SHANK2: variants seen among roughly 807,000 people sequenced by gnomAD.
The protein encoded by SHANK2 is SH3 and multiple ankyrin repeat domains protein 2.
Under a neutral mutation model 133.7 loss-of-function variants are expected in SHANK2, and 43 were observed. That is an observed-to-expected ratio of 0.32 (90% CI 0.25 to 0.41). The LOEUF is 0.41. Ranked by LOEUF, SHANK2 falls within the 10% of genes least tolerant of loss-of-function variation. The pLI, the probability that SHANK2 is intolerant of heterozygous loss-of-function variation, is 1.00. For synonymous variants in SHANK2, 1,017 were observed against 952.8 expected, an observed-to-expected ratio of 1.07 and a Z score of -1.24; for missense variants, 1,994 against 2,235.8, an observed-to-expected ratio of 0.89 and a Z score of 2.18.
intron 11 of SHANK2, among the ~76,000 whole-genome samples, chr11:70,829,837 G>A (rs1471303865): frequency 4.6e-5 from 7 of 152,208 alleles, no homozygotes; most frequent in Non-Finnish European, 8.8e-5. Context: ...CCGGTCCTGG[G>A]CCAGGCTCTG....
intron 17 of SHANK2, among the ~76,000 whole-genome samples, chr11:70,504,297 A>G (rs1300735197): frequency 1.6e-5 from 2 of 127,588 alleles, no homozygotes; most frequent in Non-Finnish European, 3.5e-5. Flanking sequence ...TCCCTGTAAG[A>G]GCTGGATAGA....
intron 17 of SHANK2, among the ~76,000 whole-genome samples, chr11:70,589,819 G>T (rs1361998712): frequency 1.3e-5 from 2 of 152,150 alleles, no homozygotes; most frequent in Non-Finnish European, 2.9e-5. Flanking sequence ...AGGGGAAGAG[G>T]TCACTGCAGA....
intron 17 of SHANK2, chr11:70,604,376 C>G (rs922196308): frequency 6.6e-6 from 1 of 152,354 alleles, no homozygotes; most frequent in Non-Finnish European, 1.5e-5. Flanking sequence ...CTGTGGGGCA[C>G]ACAGCTACGT....
chr11:71,066,117 A>T (rs878959640), intron 9 of SHANK2, among the ~76,000 whole-genome samples: 1 of 3,110 alleles, frequency 3.2e-4, no homozygotes, highest in African/African-American at 1.1e-3. Flanking sequence ...GAACTCTCCC[A>T]GGGAGATGAG....
At chr11:70,814,527 G>A (rs1555053867) in intron 12 of SHANK2, among the ~76,000 whole-genome samples, 1 of 152,168 alleles carries the variant, frequency 6.6e-6, no homozygotes, top group Non-Finnish European at 1.5e-5. Context: ...GGCGGCCAAG[G>A]CCCCTTCTGC....
rs150356613 is a variant in SHANK2, at chr11:70,499,699, G to A, written c.2308+871C>T. On this transcript the variant is annotated intron_variant, in intron 21 of 25. Transcript: ENST00000601538. Reference sequence around the variant, plus strand: ...TCCACCACATCCTCGGCGCAGCAGTGGGGCCTAGAAAGCCCGCTGGGAGTT... The same window carrying A: ...TCCACCACATCCTCGGCGCAGCAGTAGGGCCTAGAAAGCCCGCTGGGAGTT... Among the ~76,000 whole-genome samples the A allele has an allele frequency of 5.2e-3, 798 of 152,338 alleles. 8 individuals are homozygous for A. Among genetic ancestry groups the A allele is most frequent in the African/African-American group, 0.018 (767 of 41,578 alleles).
At chr11:70,666,079 G>A (rs1944673447) in intron 15 of SHANK2, among the ~76,000 whole-genome samples, 1 of 152,174 alleles carries the variant, frequency 6.6e-6, no homozygotes. Context: ...AACGGATGTT[G>A]GGTGGGAGGT....
intron 2 of SHANK2, among the ~76,000 whole-genome samples, chr11:71,157,383 A>C (rs185902711): frequency 5.5e-4 from 84 of 152,350 alleles, no homozygotes; most frequent in Non-Finnish European, 2.2e-4. Context: ...TGGGGTGTCC[A>C]GGTCTTGAGA....
At chr11:71,078,868 T>C (rs1475069879) in intron 8 of SHANK2, among the ~76,000 whole-genome samples, 3 of 152,270 alleles carry the variant, frequency 2.0e-5, no homozygotes, top group African/African-American at 7.2e-5. Context: ...ACACTGCCTC[T>C]GGGGCAGCCC....
intron 12 of SHANK2, among the ~76,000 whole-genome samples, chr11:70,812,756 C>T (rs183521291): frequency 1.5e-3 from 235 of 152,352 alleles, no homozygotes; most frequent in Non-Finnish European, 2.7e-3. Context: ...GCTGTCCTGC[C>T]TGCACAGTGA....
chr11:70,553,690 C>T (rs959210184), intron 17 of SHANK2, among the ~76,000 whole-genome samples: 22 of 152,236 alleles, frequency 1.4e-4, no homozygotes, highest in Admixed American at 1.4e-3. Context: ...GACGCTTCTC[C>T]TCTCTGGGGG....
chr11:70,797,586 G>T (rs1947940698), intron 14 of SHANK2, among the ~76,000 whole-genome samples: 1 of 152,184 alleles, frequency 6.6e-6, no homozygotes, highest in African/African-American at 2.4e-5. Flanking sequence ...TGATCAGGCG[G>T]CAGAGGGCTA....
chr11:70,555,442 G>A (rs1250237475), intron 17 of SHANK2, among the ~76,000 whole-genome samples: 2 of 152,248 alleles, frequency 1.3e-5, no homozygotes, highest in East Asian at 3.8e-4. Context: ...AGATCTAGAA[G>A]GAAATTAAAA....
chr11:70,828,096 C>A (rs557913610), intron 11 of SHANK2, among the ~76,000 whole-genome samples: 2 of 152,264 alleles, frequency 1.3e-5, no homozygotes, highest in Non-Finnish European at 2.9e-5. Context: ...CTGGGCAACA[C>A]AGTGAGACCC....
At chr11:70,606,918 C>T (rs2060586589) in intron 17 of SHANK2, among the ~76,000 whole-genome samples, 1 of 152,178 alleles carries the variant, frequency 6.6e-6, no homozygotes, top group South Asian at 2.1e-4. Context: ...TCTGCACAGC[C>T]CTGGAGAAGG....
chr11:70,716,896 C>CT (rs1491118182), intron 14 of SHANK2, among the ~76,000 whole-genome samples: 1 of 29,202 alleles, frequency 3.4e-5, no homozygotes. Context: ...GGTCCCGGAG[C>CT]CCCCCCCCCG....
At chr11:70,718,135 C>T (rs188398875) in intron 14 of SHANK2, among the ~76,000 whole-genome samples, 51 of 152,284 alleles carry the variant, frequency 3.3e-4, no homozygotes, top group South Asian at 1.4e-3. Flanking sequence ...AGTGCAATTA[C>T]GCATGCCATT....
chr11:70,555,215 C>T (rs1554979237), intron 17 of SHANK2, among the ~76,000 whole-genome samples: 1 of 152,188 alleles, frequency 6.6e-6, no homozygotes, highest in Non-Finnish European at 1.5e-5. Context: ...TGCAGGCCTC[C>T]TTACTCCCTG....
At chr11:70,694,531 C>T (rs1256478937) in intron 15 of SHANK2, among the ~76,000 whole-genome samples, 1 of 152,242 alleles carries the variant, frequency 6.6e-6, no homozygotes, top group African/African-American at 2.4e-5. Flanking sequence ...ATTGTGACCC[C>T]ACAGCCTACT....
Sources: gnomAD v4.1 joint callset for allele counts (sites outside exome capture counted in the v4.1 genomes callset) on GRCh38, gnomAD v4.1.1 for gene constraint, MANE v1.5 for transcripts, NCBI Gene and HGNC (gene_info 2026-07-23, HGNC 2026-07-21) for gene names.